The following DYNC1I1 variants were observed in gnomAD, a reference collection of about 807,000 sequenced individuals.
DYNC1I1 encodes the protein cytoplasmic dynein 1 intermediate chain 1.
Under a neutral mutation model 86.6 loss-of-function variants are expected in DYNC1I1, and 43 were observed. That is an observed-to-expected ratio of 0.50 (90% CI 0.39 to 0.64). The LOEUF (loss-of-function observed/expected upper bound fraction) is 0.64, where lower values mean the gene tolerates loss of function less well. DYNC1I1 is among the 30% of genes least tolerant of loss of function. DYNC1I1 has a pLI of 0.00. For missense variants in DYNC1I1, 604 were observed against 788.8 expected (o/e 0.77, Z 2.81); for synonymous variants, 262 against 283.7 (o/e 0.92, Z 0.77).
chr7:95,814,006 G>A (rs1794893405), intron 4 of DYNC1I1, among the ~76,000 whole-genome samples: 1 of 152,154 alleles, frequency 6.6e-6, no homozygotes, highest in African/African-American at 2.4e-5. Flanking sequence ...GAAGAAAGGA[G>A]AAGTTTCATA....
At chr7:96,074,061 A>G (rs1790251349) in intron 14 of DYNC1I1, among the ~76,000 whole-genome samples, 1 of 152,248 alleles carries the variant, frequency 6.6e-6, no homozygotes, top group Admixed American at 6.5e-5. Flanking sequence ...ACTTTGGCAT[A>G]AAAGAATTAT....
chr7:96,003,177 T>TTGA (rs967395923), intron 10 of DYNC1I1, among the ~76,000 whole-genome samples: 63 of 152,214 alleles, frequency 4.1e-4, no homozygotes, highest in African/African-American at 1.4e-3. Context: ...AAGGTTATAC[T>TTGA]ATGTGTATGG....
At position 96,080,402 on chromosome 7, in the gene DYNC1I1, C is replaced by G. The variant is rs752245721; in HGVS notation, c.1690C>G (p.Leu564Val). 3 of 1,613,906 alleles carry G rather than the reference C, an allele frequency of 1.9e-6. No homozygotes were observed. In the South Asian group the frequency reaches 3.3e-5, roughly 18 times the overall value. Reference sequence around the variant, plus strand: ...TGTGGCCATTGAGGGGGCATCCGCCCTAAACCGTGTTCGTTGGGCCCAAGC... The same window carrying G: ...TGTGGCCATTGAGGGGGCATCCGCCGTAAACCGTGTTCGTTGGGCCCAAGC... ...ASVAIEGASA[L>V]NRVRWAQAGK... Residue 564 changes from leucine (L) to valine (V), a missense_variant, in exon 16 of 17, where the codon CTA becomes GTA. Physicochemically the swap from Leu to Val is conservative, Grantham distance 32. Transcript: ENST00000447467.
intron 1 of DYNC1I1, among the ~76,000 whole-genome samples, chr7:95,784,860 A>T (rs1794087571): frequency 6.6e-6 from 1 of 152,162 alleles, no homozygotes; most frequent in African/African-American, 2.4e-5. Flanking sequence ...AAATTTAAGA[A>T]TCTCTGATCC....
chr7:96,032,869 A>G, intron 12 of DYNC1I1, 89 bp downstream of exon 12: 1 of 1,127,272 alleles, frequency 8.9e-7, no homozygotes, highest in South Asian at 1.4e-5. Context: ...CCAAACCCTC[A>G]CATCCTAGAG....
chr7:96,036,668 T>A (rs1183344378), intron 13 of DYNC1I1, among the ~76,000 whole-genome samples: 1 of 152,208 alleles, frequency 6.6e-6, no homozygotes, highest in Non-Finnish European at 1.5e-5. Context: ...AAATGATATA[T>A]AATGTAATCC....
chr7:95,988,419 G>A (rs1022240699), intron 9 of DYNC1I1, among the ~76,000 whole-genome samples: 3 of 152,104 alleles, frequency 2.0e-5, no homozygotes, highest in Admixed American at 6.6e-5. Context: ...CCCATTGCCC[G>A]TAGAAAAGAA....
intron 6 of DYNC1I1, among the ~76,000 whole-genome samples, chr7:95,958,446 A>G (rs926766673): frequency 1.7e-4 from 26 of 152,102 alleles, no homozygotes; most frequent in African/African-American, 6.0e-4. Context: ...TTTTTAAAAC[A>G]TTGGCCCGGA....
chr7:96,053,170 T>C (rs138248407), intron 14 of DYNC1I1, among the ~76,000 whole-genome samples: 2 of 152,292 alleles, frequency 1.3e-5, no homozygotes, highest in East Asian at 3.9e-4. Context: ...CCCGCCCAAT[T>C]CACTACATCT....
At chr7:95,833,473 G>A (rs1316220944) in intron 5 of DYNC1I1, among the ~76,000 whole-genome samples, 1 of 144,376 alleles carries the variant, frequency 6.9e-6, no homozygotes, top group African/African-American at 2.5e-5. Flanking sequence ...GGTTCCATAT[G>A]AACTTTAAAG....
At chr7:96,072,291 G>A (rs1790192455) in intron 14 of DYNC1I1, among the ~76,000 whole-genome samples, 1 of 152,122 alleles carries the variant, frequency 6.6e-6, no homozygotes, top group Admixed American at 6.5e-5. Flanking sequence ...GGAAGCACAA[G>A]GTGTCACAAT....
intron 14 of DYNC1I1, among the ~76,000 whole-genome samples, chr7:96,056,336 G>A (rs1789576585): frequency 6.6e-6 from 1 of 152,062 alleles, no homozygotes; most frequent in Non-Finnish European, 1.5e-5. Context: ...TTTCTTTACA[G>A]TATTTTATGT....
At chr7:95,979,866 G>A (rs939866584) in intron 7 of DYNC1I1, among the ~76,000 whole-genome samples, 10 of 151,910 alleles carry the variant, frequency 6.6e-5, no homozygotes, top group African/African-American at 2.2e-4. Flanking sequence ...TACTAAAAAC[G>A]TCTTTTAAAA....
At chr7:95,911,558 A>G (rs1791336331) in intron 6 of DYNC1I1, among the ~76,000 whole-genome samples, 1 of 152,230 alleles carries the variant, frequency 6.6e-6, no homozygotes, top group South Asian at 2.1e-4. Flanking sequence ...TGAAGGACAC[A>G]GAGGCCCAAG....
chr7:96,061,629 T>G (rs1789770985), intron 14 of DYNC1I1, among the ~76,000 whole-genome samples: 1 of 150,620 alleles, frequency 6.6e-6, no homozygotes, highest in African/African-American at 2.4e-5. Flanking sequence ...ACCCCCAGAG[T>G]GCTTGATTTG....
intron 8 of DYNC1I1, among the ~76,000 whole-genome samples, chr7:95,986,106 GA>G (rs199784007): frequency 3.4e-5 from 5 of 147,436 alleles, no homozygotes; most frequent in Non-Finnish European, 4.5e-5. Context: ...AGGGTTAACA[GA>G]AAAAAAAATG....
At chr7:96,086,618 CCAAAAGAATAGTATT>C (rs1049072581) in intron 16 of DYNC1I1, among the ~76,000 whole-genome samples, 33 of 151,832 alleles carry the variant, frequency 2.2e-4, no homozygotes, top group African/African-American at 7.5e-4. Flanking sequence ...TATTTGGGGG[CCAAAAGAATAGTATT>C]CATTTCATTA....
At position 95,979,838 on chromosome 7, in the gene DYNC1I1, A is replaced by C. The variant is rs140284453; in HGVS notation, c.580+2237A>C. Among the ~76,000 whole-genome samples, 29 of 152,288 alleles carry C rather than the reference A, an allele frequency of 1.9e-4. No individual in the cohort carries two copies. The East Asian group carries it at 5.2e-3, about 27-fold the overall frequency. ...AGTCTAAATGAATTTGATCGAAGAG[A>C]TCTCACATTTAAACTTATACTAAAA... is the stretch of plus-strand genomic sequence containing the variant. On this transcript the variant is annotated intron_variant, in intron 7 of 16. Transcript: ENST00000447467.
chr7:95,833,707 T>C (rs914675471), intron 5 of DYNC1I1, among the ~76,000 whole-genome samples: 14 of 148,962 alleles, frequency 9.4e-5, no homozygotes, highest in African/African-American at 3.5e-4. Flanking sequence ...GTTGGATTCC[T>C]AGGTATTTTA....
Sources: gnomAD v4.1 joint callset for allele counts (sites outside exome capture counted in the v4.1 genomes callset) on GRCh38, gnomAD v4.1.1 for gene constraint, MANE v1.5 for transcripts, NCBI Gene and HGNC (gene_info 2026-07-23, HGNC 2026-07-21) for gene names.